The following CIC variants were observed in gnomAD, a reference collection of about 807,000 sequenced individuals.
CIC encodes capicua transcriptional repressor.
A neutral mutation model predicts 115.7 loss-of-function variants in CIC; 18 were observed. That is an observed-to-expected ratio of 0.16 (90% CI 0.11 to 0.23). The LOEUF (loss-of-function observed/expected upper bound fraction) is 0.23, where lower values mean the gene tolerates loss of function less well. Among genes scored for constraint, CIC ranks in the 10% least tolerant of loss-of-function variants. The pLI is 1.00. For missense variants in CIC, 2,000 were observed against 2,159.3 expected (o/e 0.93, Z 1.46); for synonymous variants, 1,076 against 923.0 (o/e 1.17, Z -3.01).
chr19:42,287,768 T>G lies in CIC; in HGVS notation c.3492+41T>G. 6.2e-7 allele frequency: 1 copy of G among 1,613,992 alleles called. No individual in the cohort carries two copies. Among genetic ancestry groups the G allele is most frequent in the South Asian group, 1.1e-5 (1 of 91,072 alleles). The stretch of plus-strand genomic sequence containing the variant: ...CTTGGCTCCTCCCAGCTTCTTCTGG[T>G]GGGGTGGGTGAGTGAAGGGTTGCCC... On this transcript the variant is annotated intron_variant, in intron 6 of 20. Coordinates refer to ENST00000681038, the MANE Select transcript of CIC (RefSeq NM_001386298.1). This position sits in a 1 kb window ranked among gnomAD's most constrained non-coding sequence, Gnocchi z 8.7.
At chr19:42,289,743 C>A in intron 9 of CIC, 105 bp from the exon 10 acceptor site, 1 of 1,045,550 alleles carries the variant, frequency 9.6e-7, no homozygotes, top group Non-Finnish European at 1.4e-6. Flanking sequence ...CTGGACAGCA[C>A]TCCCTGCCGG....
At chr19:42,279,177 TG>T (rs1429598936) in intron 2 of CIC, among the ~76,000 whole-genome samples, 3 of 152,210 alleles carry the variant, frequency 2.0e-5, no homozygotes, top group African/African-American at 7.2e-5. Flanking sequence ...GGGTTAAGCC[TG>T]GGTCTCCTGA....
chr19:42,288,285 A>G (rs960328173), intron 7 of CIC, among the ~76,000 whole-genome samples: 7 of 152,222 alleles, frequency 4.6e-5, no homozygotes, highest in Admixed American at 6.5e-5. Flanking sequence ...TAGAAGAAGA[A>G]ACTGAGGTTC....
rs775498826 is a variant in CIC, at chr19:42,292,167, A to G, written c.5695A>G (p.Thr1899Ala). Residue 1899 changes from threonine to alanine, a missense_variant, in exon 13 of 21, where the codon ACC becomes GCC. By Grantham distance (58) the Thr-to-Ala change is moderately conservative. Around this residue, in one of 8 missense-constraint regions of CIC, gnomAD observed 1,466 missense variants for 1,390.4 expected, o/e 1.05. Coordinates refer to ENST00000681038, the MANE Select transcript of CIC (RefSeq NM_001386298.1). ...PLSPATLPGP[T>A]SQPQKVLLPS... ...GAGCCCAGCCACACTCCCTGGACCC[A>G]CCTCTCAGCCTCAGAAGGTCCTGTT... 3 of 1,613,398 alleles carry G rather than the reference A, an allele frequency of 1.9e-6. No individual in the cohort carries two copies. The highest frequency in any genetic ancestry group is 3.3e-5 in the Admixed American group (2 of 59,976).
chr19:42,288,443 T>G (rs1318077112), intron 7 of CIC, among the ~76,000 whole-genome samples: 2 of 152,170 alleles, frequency 1.3e-5, no homozygotes, highest in East Asian at 3.9e-4. Flanking sequence ...TTATTGAGGT[T>G]GTCTGGTGTG....
In CIC at chr19:42,289,897, G is replaced by C; in HGVS notation, c.4137G>C (p.Arg1379=). ...ACATTGATCTCAAGTGCAAGGAGCG[G>C]GTGACCGACAGCGAGAGTGGGGACA... ...TTDIDLKCKE[R]VTDSESGDSS... is the part of the protein sequence containing the mutation. The change falls in exon 10 of 21, where the codon CGG becomes CGC. Residue 1379 remains arginine, a synonymous_variant. Coordinates refer to ENST00000681038, the MANE Select transcript of CIC (RefSeq NM_001386298.1). 1 of 1,610,530 alleles carries C rather than the reference G, an allele frequency of 6.2e-7. No homozygotes were observed. Among genetic ancestry groups the C allele is most frequent in the East Asian group, 2.2e-5 (1 of 44,786 alleles).
At position 42,287,113 on chromosome 19, in the gene CIC, G is replaced by A. The variant is rs377430957; in HGVS notation, c.3052G>A (p.Gly1018Arg). 2.5e-5 allele frequency: 41 copies of A among 1,613,524 alleles called. No homozygotes were observed. Among genetic ancestry groups the A allele is most frequent in the African/African-American group, 2.1e-4 (16 of 75,022 alleles). The change falls in exon 4 of 21, where the codon GGA becomes AGA. Residue 1018 changes from glycine to arginine, a missense_variant. Around this residue, in one of 8 missense-constraint regions of CIC, gnomAD observed 222 missense variants for 247.7 expected, o/e 0.90. Coordinates refer to ENST00000681038, the MANE Select transcript of CIC (RefSeq NM_001386298.1). The surrounding 1 kb of genome is among the most constrained non-coding windows in gnomAD (Gnocchi z 8.7). ...CACATGCCCTGAGAGCCCAGGACCC[G>A]GACCCCCACACCCTTTGGGGGTGGT... is the stretch of plus-strand genomic sequence containing the variant. ...GATCPESPGP[G>R]PPHPLGVVES...
At position 42,290,750 on chromosome 19, in the gene CIC, C is replaced by T. The variant is rs1179248648; in HGVS notation, c.4709C>T (p.Ala1570Val). The change falls in exon 11 of 21, where the codon GCA (alanine) becomes GTA (valine). Residue 1570 changes from alanine to valine, a missense_variant. Around this residue, in one of 8 missense-constraint regions of CIC, gnomAD observed 1,466 missense variants for 1,390.4 expected, o/e 1.05. Coordinates refer to ENST00000681038, the MANE Select transcript of CIC (RefSeq NM_001386298.1). The stretch of plus-strand genomic sequence containing the variant: ...CCATCACTGGCCTATGGGGCCCCAG[C>T]AGCTCCCCTGTCCCGTCCTGCCGCC... The part of the protein sequence containing the change: ...PAPSLAYGAP[A>V]APLSRPAATM... The T allele has an allele frequency of 6.8e-6, 11 of 1,612,436 alleles. No individual in the cohort carries two copies. The highest frequency in any genetic ancestry group is 1.3e-5 in the African/African-American group (1 of 75,038).
intron 2 of CIC, among the ~76,000 whole-genome samples, chr19:42,281,848 T>C (rs1299174597): frequency 2.6e-5 from 4 of 152,144 alleles, no homozygotes. Context: ...CTCCCAGATG[T>C]GTGGGGCCCT....
intron 2 of CIC, among the ~76,000 whole-genome samples, chr19:42,285,027 G>A (rs969528471): frequency 1.3e-5 from 2 of 152,102 alleles, no homozygotes; most frequent in Non-Finnish European, 2.9e-5. Flanking sequence ...AGAAAGGTGA[G>A]GGGTGCAGAG....
At chr19:42,268,549 C>G (rs939356091), upstream of CIC, 6 of 152,242 alleles carry the variant, frequency 3.9e-5, no homozygotes, top group Non-Finnish European at 8.8e-5. Flanking sequence ...GCCGCTACCG[C>G]TGCCACTGAG....
In CIC at chr19:42,287,329, C is replaced by T. The variant is rs1477500343; in HGVS notation, c.3189C>T (p.Ser1063=). 6.2e-7 allele frequency: 1 copy of T among 1,614,030 alleles called. No homozygotes were observed. Among genetic ancestry groups the T allele is most frequent in the South Asian group, 1.1e-5 (1 of 91,084 alleles). Residue 1063 remains serine (S), a synonymous_variant, in exon 5 of 21, where the codon TCC becomes TCT. Coordinates refer to ENST00000681038, the MANE Select transcript of CIC (RefSeq NM_001386298.1). The surrounding 1 kb of genome is among the most constrained non-coding windows in gnomAD (Gnocchi z 8.7). ...TGCTGCCCCGCCGCAGCTTCCTCTC[C>T]ATCATGTCTCCTGAGATCCAGTTGC... ...TESDHDDAFL[S]IMSPEIQLPL... is the part of the protein sequence containing the mutation.
rs2147336130 is a variant in CIC at position 42,293,831 on chromosome 19, G to A, written c.6762G>A (p.Val2254=). The A allele has an allele frequency of 6.2e-7, 1 of 1,612,804 alleles. No individual in the cohort carries two copies. The change falls in exon 17 of 21, where the codon GTG becomes GTA. Residue 2254 remains valine, a synonymous_variant. Transcript: ENST00000681038. ...PPPLKKTFDS[V]DNRVLSEVDF... The stretch of plus-strand genomic sequence containing the variant: ...CCCTGAAGAAGACCTTTGACTCTGT[G>A]GACAAGTGAGCATGGGCTGGGGCCT...
chr19:42,293,347 C>G, intron 16 of CIC, 66 bp downstream of exon 16: 1 of 1,476,648 alleles, frequency 6.8e-7, no homozygotes. Flanking sequence ...GACGTCTTTG[C>G]TTTTCTGTCC....
chr19:42,291,438 G>C lies in CIC; in HGVS notation c.5397G>C (p.Gln1799His), dbSNP rs769275713. The change falls in exon 11 of 21, where the codon CAG (glutamine) becomes CAC (histidine). Residue 1799 changes from glutamine to histidine, a missense_variant. Gln to His is a conservative substitution (Grantham distance 24). Coordinates refer to ENST00000681038, the MANE Select transcript of CIC (RefSeq NM_001386298.1). The part of the protein sequence containing the change: ...TAPTPGIPIL[Q>H]SVPSAPPPKA... ...CCACTCCTGGCATCCCCATCCTGCAGTCTGTACCCTCCGCCCCACCCCCCA... is the reference window on the plus strand; with the variant it reads ...CCACTCCTGGCATCCCCATCCTGCACTCTGTACCCTCCGCCCCACCCCCCA... The C allele has an allele frequency of 6.2e-7, 1 of 1,613,026 alleles. No individual in the cohort carries two copies. Among genetic ancestry groups the C allele is most frequent in the East Asian group, 2.2e-5 (1 of 44,890 alleles).
At chr19:42,291,934 C>A in intron 12 of CIC, 152 bp from the exon 13 acceptor site, 2 of 1,301,206 alleles carry the variant, frequency 1.5e-6, no homozygotes, top group Non-Finnish European at 1.1e-6. Context: ...TTCTCTGTGT[C>A]CCCACCTCTC....
intron 16 of CIC, 70 bp from the exon 17 acceptor site, chr19:42,293,522 C>G: frequency 6.2e-7 from 1 of 1,610,774 alleles, no homozygotes; most frequent in Non-Finnish European, 8.5e-7. Context: ...AGATCCAACT[C>G]TTTGTTTCTG....
intron 19 of CIC, 143 bp from the exon 20 acceptor site, chr19:42,294,461 G>A (rs2038371094): frequency 6.5e-7 from 1 of 1,543,790 alleles, no homozygotes; most frequent in Middle Eastern, 2.3e-4. Flanking sequence ...CAGGCCCCTA[G>A]GTTGCCCTGT....
At chr19:42,285,352 CA>C (rs2037557753) in intron 2 of CIC, among the ~76,000 whole-genome samples, 1 of 152,082 alleles carries the variant, frequency 6.6e-6, no homozygotes, top group South Asian at 2.1e-4. Context: ...AAGATCTTTG[CA>C]AAGAGAGGCA....
Sources: gnomAD v4.1 joint callset for allele counts (sites outside exome capture counted in the v4.1 genomes callset) on GRCh38, gnomAD v4.1.1 for gene constraint, gnomAD v4.1.1 regional missense constraint, Gnocchi (gnomAD v3.1) non-coding constraint, MANE v1.5 for transcripts, NCBI Gene and HGNC (gene_info 2026-07-23, HGNC 2026-07-21) for gene names.